BBS7: variants seen among roughly 807,000 people sequenced by gnomAD.
BBS7 encodes BBSome complex member BBS7.
In BBS7, 50 loss-of-function variants were observed where a neutral mutation model predicts 90.3. The observed-to-expected ratio is 0.55, with a 90% CI of 0.44 to 0.70. BBS7 has a LOEUF of 0.70. BBS7 is among the 30% of genes least tolerant of loss of function. The probability of loss-of-function intolerance (pLI) is 0.00; values close to 1 mark genes in which losing one functional copy is unlikely to be tolerated. For synonymous variants in BBS7, 235 were observed against 287.4 expected (o/e 0.82, Z 1.85); for missense variants, 729 against 838.9 (o/e 0.87, Z 1.62).
intron 18 of BBS7, among the ~76,000 whole-genome samples, chr4:121,826,240 A>G (rs1724901089): frequency 6.6e-6 from 1 of 152,228 alleles, no homozygotes; most frequent in South Asian, 2.1e-4. Flanking sequence ...AATTCAGACA[A>G]TCAACTACTG....
intron 5 of BBS7, among the ~76,000 whole-genome samples, chr4:121,858,369 AGTGTGT>A (rs56144001): frequency 2.0e-5 from 3 of 150,484 alleles, no homozygotes; most frequent in Non-Finnish European, 3.0e-5. Flanking sequence ...CATCCTATAG[AGTGTGT>A]GTGTGTGTGT....
chr4:121,866,138 T>C (rs1727259795), intron 2 of BBS7, among the ~76,000 whole-genome samples: 1 of 152,166 alleles, frequency 6.6e-6, no homozygotes, highest in East Asian at 1.9e-4. Context: ...GGATGAGTAG[T>C]TTGCAAATAT....
At chr4:121,828,992 C>A (rs1437928739) in intron 15 of BBS7, among the ~76,000 whole-genome samples, 3 of 151,874 alleles carry the variant, frequency 2.0e-5, no homozygotes, top group Non-Finnish European at 4.4e-5. Flanking sequence ...ATTTAAACAA[C>A]TTTTATCTTC....
chr4:121,838,292 G>A (rs945398345), intron 13 of BBS7, among the ~76,000 whole-genome samples: 2 of 150,340 alleles, frequency 1.3e-5, no homozygotes, highest in Non-Finnish European at 3.0e-5. Flanking sequence ...AATTGTTTAG[G>A]GGAAAAATCA....
intron 15 of BBS7, among the ~76,000 whole-genome samples, chr4:121,829,237 CT>C (rs58186352): frequency 0.26 from 34,740 of 136,160 alleles, 3,909 homozygotes; most frequent in Non-Finnish European, 0.31. Context: ...CATTATTTTT[CT>C]TTTTTTTTTT....
Position 121,843,788 on chromosome 4 carries a change from G to C in BBS7, c.1305+139C>G, listed in dbSNP as rs528200329. 11 of 661,542 alleles carry C rather than the reference G, an allele frequency of 1.7e-5. No homozygotes were observed. In the East Asian group the frequency reaches 3.1e-4, roughly 19 times the overall value. 41.0% of individuals were successfully genotyped at this position (661,542 alleles called of 1,614,324 possible). On this transcript the variant is annotated intron_variant, in intron 12 of 18. Coordinates refer to ENST00000264499, the MANE Select transcript of BBS7 (RefSeq NM_176824.3). ...CGACTGAGGACAGGGAAAGAGAACC[G>C]ACACAGATTTTGAAGGAAAGGTTAC...
intron 14 of BBS7, among the ~76,000 whole-genome samples, chr4:121,834,671 G>A (rs1316979104): frequency 1.3e-5 from 2 of 152,130 alleles, no homozygotes; most frequent in East Asian, 3.8e-4. Context: ...TTCTCTTTAA[G>A]CTCATGTTCT....
intron 8 of BBS7, among the ~76,000 whole-genome samples, chr4:121,851,858 C>T (rs1009353071): frequency 6.6e-6 from 1 of 152,176 alleles, no homozygotes; most frequent in Non-Finnish European, 1.5e-5. Context: ...TGTCATTAGA[C>T]AGAAGAAATA....
At chr4:121,829,553 C>T (rs575875843) in intron 15 of BBS7, among the ~76,000 whole-genome samples, 3 of 152,260 alleles carry the variant, frequency 2.0e-5, no homozygotes, top group East Asian at 1.9e-4. Flanking sequence ...CCACCACGCC[C>T]GGCCAGGATC....
intron 7 of BBS7, 64 bp from the exon 8 acceptor site, chr4:121,853,150 A>C (rs1726414159): frequency 6.4e-7 from 1 of 1,559,240 alleles, no homozygotes; most frequent in Admixed American, 1.7e-5. Flanking sequence ...GTATATGCCA[A>C]GTAAGAATGA....
At chr4:121,838,717 C>T (rs11098648) in intron 13 of BBS7, among the ~76,000 whole-genome samples, 40,821 of 150,674 alleles carry the variant, frequency 0.27, 6,138 homozygotes, top group Non-Finnish European at 0.32. Flanking sequence ...GGCAAAACCC[C>T]GTCCCTAAAA....
chr4:121,847,658 CAT>C (rs1398379639), intron 9 of BBS7, 152 bp from the exon 10 acceptor site: 1 of 619,242 alleles, frequency 1.6e-6, no homozygotes, highest in Non-Finnish European at 2.9e-6. Flanking sequence ...AAAAACAAAA[CAT>C]AAAATCAAGC....
rs1257462399 is a variant in BBS7 at position 121,825,875 on chromosome 4, G to C, written c.2133C>G (p.Phe711Leu). ...TATTTGTATGTCATGCTGCATCGAA[G>C]AATGAAATCAATGCATTTTGGTCAT... ...DSYDQNALIS[F>L]FDAA The change falls in exon 19 of 19, where the codon TTC becomes TTG. Residue 711 changes from phenylalanine to leucine, a missense_variant. Transcript: ENST00000264499. The C allele has an allele frequency of 6.2e-7, 1 of 1,612,938 alleles. No individual in the cohort carries two copies. The highest frequency in any genetic ancestry group is 2.2e-5 in the East Asian group (1 of 44,724).
chr4:121,825,763 T>C lies in BBS7; in HGVS notation c.*97A>G, dbSNP rs1724875584. On this transcript the variant is annotated 3_prime_UTR_variant, in exon 19 of 19. Transcript: ENST00000264499. ...AAATATTTTTAGATATAAAAAAGCA[T>C]TTGAAATTAAAGTACATACACAGTT... The C allele has an allele frequency of 8.1e-7, 1 of 1,242,156 alleles. No individual in the cohort carries two copies. Among genetic ancestry groups the C allele is most frequent in the Non-Finnish European group, 1.1e-6 (1 of 896,282 alleles). The allele number at this position is 1,242,156 out of a possible 1,614,324, so 76.9% of individuals were successfully genotyped here. A position where few individuals can be genotyped will look rare whatever the true frequency, so the allele number is the denominator to read the frequency against.
At chr4:121,850,156 G>GT (rs1365758487) in intron 8 of BBS7, among the ~76,000 whole-genome samples, 8 of 150,832 alleles carry the variant, frequency 5.3e-5, no homozygotes, top group Admixed American at 1.3e-4. Context: ...TAGGGAGCTG[G>GT]TTTTTTGTTT....
intron 1 of BBS7, among the ~76,000 whole-genome samples, chr4:121,869,032 T>C (rs1423954625): frequency 6.6e-6 from 1 of 152,154 alleles, no homozygotes; most frequent in South Asian, 2.1e-4. Context: ...GAGATGAAGC[T>C]GGAGTTCAGG....
Position 121,825,170 on chromosome 4 carries a change from A to G in BBS7, c.*690T>C, listed in dbSNP as rs3217753. ...TAAGCTCTTCTTATTTCCTGGCTAC[A>G]ATTTATAGCACTGAGCCAAGTCCAG... is the stretch of plus-strand genomic sequence containing the variant. On this transcript the variant is annotated 3_prime_UTR_variant, in exon 19 of 19. Coordinates refer to ENST00000264499, the MANE Select transcript of BBS7 (RefSeq NM_176824.3). The G allele has an allele frequency of 0.27, 41,227 of 152,174 alleles. 6,211 individuals carry two copies. Among genetic ancestry groups the G allele is most frequent in the Non-Finnish European group, 0.32 (21,940 of 68,018 alleles). The allele number at this position is 152,174 out of a possible 1,614,324, so 9.4% of individuals were successfully genotyped here. A position where few individuals can be genotyped will look rare whatever the true frequency, so the allele number is the denominator to read the frequency against.
Position 121,824,335 on chromosome 4 carries a change from A to T in BBS7, c.*1525T>A, listed in dbSNP as rs1724808496. ...TCCGTTTTCTTATGTGTTAATAGGG[A>T]CTAATAACTACAGTCATATGGTTGT... On this transcript the variant is annotated 3_prime_UTR_variant, in exon 19 of 19. Coordinates refer to ENST00000264499, the MANE Select transcript of BBS7 (RefSeq NM_176824.3). The surrounding 1 kb of genome is among the most constrained non-coding windows in gnomAD (Gnocchi z 4.1). 1 of 152,202 alleles carries T rather than the reference A, an allele frequency of 6.6e-6. No individual in the cohort carries two copies. The highest frequency in any genetic ancestry group is 2.4e-5 in the African/African-American group (1 of 41,446). The allele number at this position is 152,202 out of a possible 1,614,324, so 9.4% of individuals were successfully genotyped here. A position where few individuals can be genotyped will look rare whatever the true frequency, so the allele number is the denominator to read the frequency against.
In BBS7 at chr4:121,828,169, G is replaced by A. The variant is rs375084239; in HGVS notation, c.1991C>T (p.Pro664Leu). Residue 664 changes from proline to leucine, a missense_variant, in exon 18 of 19, where the codon CCT becomes CTT. Physicochemically the swap from Pro to Leu is moderately conservative, Grantham distance 98. Transcript: ENST00000264499. ...DHLQEEYKKQ[P>L]AHLERLYGMI... ...ACCATAGAGTCTTTCAAGATGTGCAGGTTGCTTTTTGTATTCTTCCTGTAG... is the reference window on the plus strand; with the variant it reads ...ACCATAGAGTCTTTCAAGATGTGCAAGTTGCTTTTTGTATTCTTCCTGTAG... 1.2e-5 allele frequency: 19 copies of A among 1,613,694 alleles called. No homozygotes were observed. In the African/African-American group the frequency reaches 2.0e-4, roughly 17 times the overall value.
Sources: allele counts gnomAD v4.1 joint callset (sites outside exome capture counted in the v4.1 genomes callset), GRCh38; gene constraint gnomAD v4.1.1; non-coding constraint Gnocchi (gnomAD v3.1); transcripts MANE v1.5; gene names NCBI Gene and HGNC (gene_info 2026-07-23, HGNC 2026-07-21).